ICMT: variants seen among roughly 807,000 people sequenced by gnomAD.
ICMT encodes the protein isoprenylcysteine carboxyl methyltransferase, also known as protein-S-isoprenylcysteine O-methyltransferase.
A neutral mutation model predicts 32.2 loss-of-function variants in ICMT; 10 were observed. The observed-to-expected ratio is 0.31, with a 90% CI of 0.19 to 0.53. The LOEUF is 0.53. Ranked by LOEUF, ICMT falls within the 20% of genes least tolerant of loss-of-function variation. The probability of loss-of-function intolerance (pLI) is 0.96; values close to 1 mark genes in which losing one functional copy is unlikely to be tolerated. For missense variants in ICMT, 265 were observed against 356.9 expected (o/e 0.74, Z 2.07); for synonymous variants, 183 against 158.2 (o/e 1.16, Z -1.18).
At chr1:6,227,086 T>C (rs1203145307) in intron 4 of ICMT, among the ~76,000 whole-genome samples, 4 of 152,204 alleles carry the variant, frequency 2.6e-5, no homozygotes, top group Non-Finnish European at 2.9e-5. Flanking sequence ...AATAATAAGA[T>C]AGAAAACAGG....
chr1:6,225,790 T>C (rs1290344315), intron 4 of ICMT, among the ~76,000 whole-genome samples: 1 of 151,976 alleles, frequency 6.6e-6, no homozygotes, highest in African/African-American at 2.4e-5. Context: ...AGTCTGGGTT[T>C]CCAACCCCAG....
chr1:6,235,171 A>G (rs963583797), intron 1 of ICMT, among the ~76,000 whole-genome samples, 197 bp from the exon 2 acceptor site: 4 of 151,862 alleles, frequency 2.6e-5, no homozygotes, highest in African/African-American at 9.7e-5. Context: ...AAATTATTTA[A>G]CCTCTCTGAG....
chr1:6,231,482 G>A (rs1668735960), intron 4 of ICMT, among the ~76,000 whole-genome samples: 1 of 151,756 alleles, frequency 6.6e-6, no homozygotes, highest in South Asian at 2.1e-4. Context: ...TGAGGTGGGA[G>A]GATCACTTAA....
intron 2 of ICMT, 86 bp from the exon 3 acceptor site, chr1:6,233,729 T>G: frequency 9.0e-7 from 1 of 1,116,686 alleles, no homozygotes; most frequent in Non-Finnish European, 1.3e-6. Flanking sequence ...GAGCTGTCCC[T>G]AAGTCTATGA....
In ICMT at chr1:6,232,050, T is replaced by C; in HGVS notation, c.524A>G (p.Lys175Arg). ...GGAGCCAGCTGTAAACATGGCCGCC[T>C]TCCTCAGACATTCTCCGAAGACCAC... ...LMVVFGECLR[K>R]AAMFTAGSNF... Residue 175 changes from lysine to arginine, a missense_variant, in exon 4 of 5, where the codon AAG (lysine) becomes AGG (arginine). Lys to Arg is a conservative substitution (Grantham distance 26). This residue lies in a region of ICMT where 166 missense variants were observed against 264.3 expected (regional missense o/e 0.63). Transcript: ENST00000343813. 1 of 1,614,126 alleles carries C rather than the reference T, an allele frequency of 6.2e-7. No homozygotes were observed. Among genetic ancestry groups the C allele is most frequent in the Non-Finnish European group, 8.5e-7 (1 of 1,180,026 alleles).
At chr1:6,227,629 G>C (rs1668664836) in intron 4 of ICMT, among the ~76,000 whole-genome samples, 1 of 152,232 alleles carries the variant, frequency 6.6e-6, no homozygotes, top group Non-Finnish European at 1.5e-5. Context: ...ACTGAGGCAA[G>C]TGGATCATGA....
intron 4 of ICMT, among the ~76,000 whole-genome samples, chr1:6,229,560 G>A (rs1168482088): frequency 1.3e-5 from 2 of 152,110 alleles, no homozygotes; most frequent in African/African-American, 4.8e-5. Context: ...TTAGAAGGCT[G>A]AGGCAGGAGA....
intron 3 of ICMT, 142 bp from the exon 4 acceptor site, chr1:6,232,261 TAAAATTTCATAAG>T (rs1350831809): frequency 3.3e-6 from 2 of 608,710 alleles, no homozygotes; most frequent in East Asian, 5.5e-5. Flanking sequence ...GTCATCACAT[TAAAATTTCATAAG>T]AAAACACATT....
Position 6,222,919 on chromosome 1 carries a change from C to CG in ICMT, c.*2160dup, listed in dbSNP as rs1668579118. The CG allele has an allele frequency of 6.6e-6, 1 of 152,234 alleles. No homozygotes were observed. The highest frequency in any genetic ancestry group is 2.4e-5 in the African/African-American group (1 of 41,456). 9.4% of individuals were successfully genotyped at this position (152,234 alleles called of 1,614,324 possible). On this transcript the variant is annotated 3_prime_UTR_variant, in exon 5 of 5. Transcript: ENST00000343813. ...AGGAAGTGGAATTTGCTGCCCTAGG[C>CG]GTGGTCTAAAGGACAAGTTTAGAAA...
Position 6,225,098 on chromosome 1 carries a change from C to G in ICMT, c.837G>C (p.Gly279=). Residue 279 remains glycine (G), a synonymous_variant, in exon 5 of 5, where the codon GGG becomes GGC. Coordinates refer to ENST00000343813, the MANE Select transcript of ICMT (RefSeq NM_012405.4). The stretch of plus-strand genomic sequence containing the variant: ...CTGCCCGTCACAGGTCCACCTTGAC[C>G]CCCTTTATGAAAGGCAGGCCCGTGG... ...RVPTGLPFIK[G]VKVDL 6.2e-7 allele frequency: 1 copy of G among 1,613,448 alleles called. No homozygotes were observed. Among genetic ancestry groups the G allele is most frequent in the Non-Finnish European group, 8.5e-7 (1 of 1,179,562 alleles).
At chr1:6,233,019 G>A (rs1668761578) in intron 3 of ICMT, among the ~76,000 whole-genome samples, 1 of 151,870 alleles carries the variant, frequency 6.6e-6, no homozygotes, top group Admixed American at 6.6e-5. Flanking sequence ...CACTACGCCT[G>A]GCTTTTTTGT....
intron 4 of ICMT, among the ~76,000 whole-genome samples, chr1:6,226,037 TAG>T (rs951030239): frequency 5.3e-5 from 8 of 152,238 alleles, no homozygotes; most frequent in Admixed American, 2.6e-4. Context: ...GTATTTTTTG[TAG>T]AGATGGGGTT....
In ICMT at chr1:6,223,021, T is replaced by A. The variant is rs143912056; in HGVS notation, c.*2059A>T. The A allele has an allele frequency of 1.3e-5, 2 of 152,380 alleles. No individual in the cohort carries two copies. The highest frequency in any genetic ancestry group is 3.9e-4 in the East Asian group (2 of 5,186). 9.4% of individuals were successfully genotyped at this position (152,380 alleles called of 1,614,324 possible). A position where few individuals can be genotyped will look rare whatever the true frequency, so the allele number is the denominator to read the frequency against. On this transcript the variant is annotated 3_prime_UTR_variant, in exon 5 of 5. Transcript: ENST00000343813. Reference sequence around the variant, plus strand: ...TGGATCCTTTACTCCAGAAAAATTGTAATGATGGCTCGGCCACCGCCTTGG... The same window carrying A: ...TGGATCCTTTACTCCAGAAAAATTGAAATGATGGCTCGGCCACCGCCTTGG...
At chr1:6,232,140 C>T (rs968678372) in intron 3 of ICMT, 21 bp from the exon 4 acceptor site, 6 of 1,588,932 alleles carry the variant, frequency 3.8e-6, no homozygotes, top group East Asian at 2.2e-5. Flanking sequence ...GAGACATCAA[C>T]GACACACGGG....
intron 4 of ICMT, among the ~76,000 whole-genome samples, chr1:6,228,865 T>C (rs970861995): frequency 3.4e-5 from 5 of 149,224 alleles, no homozygotes; most frequent in Non-Finnish European, 5.9e-5. Flanking sequence ...CTACTAAACC[T>C]ACTAAAAATA....
chr1:6,229,781 AAT>A (rs1340690904), intron 4 of ICMT, among the ~76,000 whole-genome samples: 83 of 76,212 alleles, frequency 1.1e-3, no homozygotes, highest in African/African-American at 4.8e-3. Flanking sequence ...AAATAAAAAA[AAT>A]ACACACACAC....
At chr1:6,230,515 G>A (rs1668717199) in intron 4 of ICMT, among the ~76,000 whole-genome samples, 1 of 150,952 alleles carries the variant, frequency 6.6e-6, no homozygotes, top group Admixed American at 6.6e-5. Flanking sequence ...GAGCTCAGGA[G>A]GTCAAGGCTG....
At chr1:6,228,743 C>T (rs936667157) in intron 4 of ICMT, among the ~76,000 whole-genome samples, 4 of 151,058 alleles carry the variant, frequency 2.6e-5, no homozygotes, top group African/African-American at 4.9e-5. Context: ...AAGAAATATG[C>T]GGGTTGGATG....
Position 6,235,785 on chromosome 1 carries a change from C to A in ICMT, c.127G>T (p.Gly43Trp). 2 of 1,335,034 alleles carry A rather than the reference C, an allele frequency of 1.5e-6. No individual in the cohort carries two copies. Among genetic ancestry groups the A allele is most frequent in the Non-Finnish European group, 1.9e-6 (2 of 1,034,318 alleles). The allele number at this position is 1,335,034 out of a possible 1,614,324, so 82.7% of individuals were successfully genotyped here. Residue 43 changes from glycine to tryptophan, a missense_variant, in exon 1 of 5, where the codon GGG becomes TGG. Gly to Trp is a radical substitution (Grantham distance 184). Coordinates refer to ENST00000343813, the MANE Select transcript of ICMT (RefSeq NM_012405.4). ...AGCCCGGCCACGTAGAGCGCCAGCC[C>A]GGTGCGGCCCTGCAGGCCGGCGCGC... ...LTRAGLQGRTGLALYVAGLNA... is the reference protein window; with the variant it reads ...LTRAGLQGRTWLALYVAGLNA...
Sources: allele counts gnomAD v4.1 joint callset (sites outside exome capture counted in the v4.1 genomes callset), GRCh38; gene constraint gnomAD v4.1.1; regional missense constraint gnomAD v4.1.1; transcripts MANE v1.5; gene names NCBI Gene and HGNC (gene_info 2026-07-23, HGNC 2026-07-21).